Variants in GPC6 observed in about 807,000 individuals in gnomAD.
GPC6 encodes the protein glypican-6.
GPC6 carries 14 observed loss-of-function variants against 55.2 expected under a neutral mutation model. The observed-to-expected ratio is 0.25, with a 90% CI of 0.17 to 0.40. The LOEUF (loss-of-function observed/expected upper bound fraction) is 0.40. GPC6 is among the 10% of genes least tolerant of loss of function. GPC6 has a pLI of 1.00. For synonymous variants in GPC6, 278 were observed against 259.6 expected, an observed-to-expected ratio of 1.07 and a Z score of -0.68; for missense variants, 641 against 708.5, an observed-to-expected ratio of 0.90 and a Z score of 1.08.
intron 2 of GPC6, 84 bp from the exon 3 acceptor site, chr13:93,830,070 A>T: frequency 1.1e-6 from 1 of 892,270 alleles, no homozygotes; most frequent in Non-Finnish European, 1.8e-6. Flanking sequence ...AATGTCAATT[A>T]AAAGCAGTTG....
intron 4 of GPC6, among the ~76,000 whole-genome samples, chr13:94,062,996 G>A (rs1884387243): frequency 6.6e-6 from 1 of 152,194 alleles, no homozygotes; most frequent in African/African-American, 2.4e-5. Flanking sequence ...CAGCCGCTAG[G>A]CACGGGGTCA....
chr13:93,371,753 T>C (rs913912058), intron 1 of GPC6, among the ~76,000 whole-genome samples: 9 of 152,024 alleles, frequency 5.9e-5, no homozygotes, highest in Non-Finnish European at 1.2e-4. Context: ...AGATACATAG[T>C]GCAATGCCAT....
At chr13:93,248,919 C>T (rs142715199) in intron 1 of GPC6, among the ~76,000 whole-genome samples, 4 of 152,276 alleles carry the variant, frequency 2.6e-5, no homozygotes, top group African/African-American at 9.6e-5. Flanking sequence ...AGGCCTGTTA[C>T]CTTAAGGTTC....
intron 2 of GPC6, among the ~76,000 whole-genome samples, chr13:93,646,915 C>A (rs1389829289): frequency 6.6e-6 from 1 of 150,476 alleles, no homozygotes; most frequent in African/African-American, 2.4e-5. Flanking sequence ...AGAAGTGAAA[C>A]CTTCCTTGAC....
intron 5 of GPC6, among the ~76,000 whole-genome samples, chr13:94,294,633 C>G (rs1566644508): frequency 6.7e-6 from 1 of 148,960 alleles, no homozygotes; most frequent in African/African-American, 2.5e-5. Flanking sequence ...GCATCCAGAT[C>G]TTTTTTTTTT....
intron 2 of GPC6, among the ~76,000 whole-genome samples, chr13:93,749,940 A>G (rs986921386): frequency 4.6e-5 from 7 of 152,174 alleles, no homozygotes; most frequent in Non-Finnish European, 7.4e-5. Context: ...AACTTCCTGG[A>G]CAGCATATTT....
chr13:93,727,287 A>G (rs923087740), intron 2 of GPC6, among the ~76,000 whole-genome samples: 2 of 152,192 alleles, frequency 1.3e-5, no homozygotes, highest in Non-Finnish European at 2.9e-5. Flanking sequence ...CAGGAATTGT[A>G]GAAGAGCTTA....
intron 6 of GPC6, among the ~76,000 whole-genome samples, chr13:94,372,806 A>G (rs905974633): frequency 3.9e-5 from 6 of 152,210 alleles, no homozygotes; most frequent in East Asian, 1.9e-4. Context: ...GCAGACTTAA[A>G]TGTCCCTGTC....
chr13:94,069,454 A>G (rs1884651895), intron 4 of GPC6, among the ~76,000 whole-genome samples: 1 of 152,152 alleles, frequency 6.6e-6, no homozygotes, highest in South Asian at 2.1e-4. Flanking sequence ...GGTGATTAAC[A>G]TTCGCCTCCT....
chr13:93,537,158 A>C (rs1398597858), intron 1 of GPC6, among the ~76,000 whole-genome samples: 2 of 152,190 alleles, frequency 1.3e-5, no homozygotes, highest in East Asian at 1.9e-4. Flanking sequence ...AATTTTCGTA[A>C]GTTTGCTGTT....
chr13:93,811,665 C>G lies in GPC6; in HGVS notation c.320-18489C>G, dbSNP rs960337472. ...TTCATGGGGATTGAGGCAGAGTCAGCTTTGTTAGAGCCTCTTTGCCAGAAT... is the reference window on the plus strand; with the variant it reads ...TTCATGGGGATTGAGGCAGAGTCAGGTTTGTTAGAGCCTCTTTGCCAGAAT... On this transcript the variant is annotated intron_variant, in intron 2 of 8. Transcript: ENST00000377047. 1.1e-4 allele frequency among the ~76,000 whole-genome samples: 16 copies of G among 151,908 alleles called. No individual in the cohort carries two copies. The East Asian group carries it at 3.1e-3, about 29-fold the overall frequency.
Position 93,227,363 on chromosome 13 carries a change from C to T in GPC6, c.-94C>T, listed in dbSNP as rs555820841. On this transcript the variant is annotated 5_prime_UTR_variant, in exon 1 of 9. Transcript: ENST00000377047. The surrounding 1 kb of genome is among the most constrained non-coding windows in gnomAD (Gnocchi z 4.3). ...GGTGACGCTGGGCAGCGGCGAGGAG[C>T]GCGCCGCTGCCTCTGGCGGGCTTTC... 1.4e-4 allele frequency: 183 copies of T among 1,289,318 alleles called. 3 individuals are homozygous for T. The South Asian group carries it at 2.2e-3, about 16-fold the overall frequency. The allele number at this position is 1,289,318 out of a possible 1,614,324, so 79.9% of individuals were successfully genotyped here.
At chr13:94,121,352 T>C (rs893526324) in intron 4 of GPC6, among the ~76,000 whole-genome samples, 3 of 152,154 alleles carry the variant, frequency 2.0e-5, no homozygotes, top group Non-Finnish European at 4.4e-5. Flanking sequence ...TATTGTTTTC[T>C]CTCTAGCCAA....
chr13:93,324,176 G>A (rs1389983656), intron 1 of GPC6, among the ~76,000 whole-genome samples: 1 of 152,158 alleles, frequency 6.6e-6, no homozygotes, highest in Non-Finnish European at 1.5e-5. Flanking sequence ...ATTTTGTTGA[G>A]TGAAATAAGC....
intron 2 of GPC6, among the ~76,000 whole-genome samples, chr13:93,596,142 A>T (rs560374127): frequency 1.3e-5 from 2 of 151,540 alleles, no homozygotes; most frequent in East Asian, 3.9e-4. Flanking sequence ...TCCTCAGAGC[A>T]GACCAGGGCT....
At position 93,624,628 on chromosome 13, in the gene GPC6, G is replaced by A. The variant is rs147191926; in HGVS notation, c.319+79207G>A. Among the ~76,000 whole-genome samples the A allele has an allele frequency of 2.5e-3, 386 of 152,214 alleles. 1 individual carries two copies. The highest frequency in any genetic ancestry group is 4.5e-3 in the Non-Finnish European group (309 of 68,010). On this transcript the variant is annotated intron_variant, in intron 2 of 8. Transcript: ENST00000377047. ...GTAGCACTTAGGAGAAAACCACATG[G>A]GTAAAGTCACACTCATGTAAAAAAT... is the stretch of plus-strand genomic sequence containing the variant.
At chr13:93,622,430 C>A (rs948167157) in intron 2 of GPC6, among the ~76,000 whole-genome samples, 1 of 151,920 alleles carries the variant, frequency 6.6e-6, no homozygotes, top group Non-Finnish European at 1.5e-5. Context: ...TAAAACACCA[C>A]GTGTGTAAGT....
At chr13:93,735,316 C>G (rs371618651) in intron 2 of GPC6, among the ~76,000 whole-genome samples, 1 of 151,986 alleles carries the variant, frequency 6.6e-6, no homozygotes. Flanking sequence ...GGGTGGATCA[C>G]GAGGTCAGGA....
At chr13:93,969,713 T>G (rs1880200255) in intron 3 of GPC6, among the ~76,000 whole-genome samples, 1 of 152,068 alleles carries the variant, frequency 6.6e-6, no homozygotes, top group Non-Finnish European at 1.5e-5. Context: ...TTTTTTTCCT[T>G]CATCCCTCCC....
Sources: gnomAD v4.1 joint callset for allele counts (sites outside exome capture counted in the v4.1 genomes callset) on GRCh38, gnomAD v4.1.1 for gene constraint, Gnocchi (gnomAD v3.1) non-coding constraint, MANE v1.5 for transcripts, NCBI Gene and HGNC (gene_info 2026-07-23, HGNC 2026-07-21) for gene names.